The following COG4 variants were observed in gnomAD, a reference collection of about 807,000 sequenced individuals.
COG4 encodes the protein component of oligomeric golgi complex 4.
In COG4, 65 loss-of-function variants were observed where a neutral mutation model predicts 95.1. That is an observed-to-expected ratio of 0.68 (90% CI 0.56 to 0.84). The LOEUF (loss-of-function observed/expected upper bound fraction) is 0.84, where lower values mean the gene tolerates loss of function less well. COG4 is among the 40% of genes least tolerant of loss of function. COG4 has a pLI of 0.00. For missense variants in COG4, 1,045 were observed against 989.1 expected (o/e 1.06, Z -0.76); for synonymous variants, 421 against 374.8 (o/e 1.12, Z -1.42).
At chr16:70,520,892 A>C (rs1418738200) in intron 1 of COG4, among the ~76,000 whole-genome samples, 9 of 152,228 alleles carry the variant, frequency 5.9e-5, no homozygotes, top group Admixed American at 5.9e-4. Flanking sequence ...TGAGTCAAAC[A>C]GGAAACCACA....
intron 5 of COG4, 31 bp from the exon 6 acceptor site, chr16:70,510,052 T>A: frequency 6.4e-7 from 1 of 1,563,044 alleles, no homozygotes; most frequent in Non-Finnish European, 8.8e-7. Flanking sequence ...CACACATTCC[T>A]CAGAAAGGTC....
intron 13 of COG4, among the ~76,000 whole-genome samples, chr16:70,485,587 GTTTT>G (rs764600650): frequency 8.1e-6 from 1 of 124,144 alleles, no homozygotes; most frequent in Non-Finnish European, 1.7e-5. Flanking sequence ...TGTTTTTTTT[GTTTT>G]TTTTTTTTTT....
At chr16:70,508,124 T>A (rs908328195) in intron 8 of COG4, among the ~76,000 whole-genome samples, 7 of 151,964 alleles carry the variant, frequency 4.6e-5, no homozygotes, top group Non-Finnish European at 7.4e-5. Context: ...TTTCACCATA[T>A]TGGCCAGGCT....
chr16:70,482,254 AG>A, intron 15 of COG4, 79 bp from the exon 16 acceptor site: 1 of 916,452 alleles, frequency 1.1e-6, no homozygotes. Context: ...TATCCCTCTA[AG>A]AAAATAATGT....
At chr16:70,509,894 T>C (rs769789918) in intron 6 of COG4, 22 bp downstream of exon 6, 3 of 1,568,526 alleles carry the variant, frequency 1.9e-6, no homozygotes, top group African/African-American at 2.7e-5. Context: ...CCAGTCTCTC[T>C]AGAGCGGAGA....
intron 4 of COG4, among the ~76,000 whole-genome samples, chr16:70,512,736 T>C (rs982597695): frequency 9.9e-5 from 15 of 152,100 alleles, no homozygotes; most frequent in Non-Finnish European, 1.5e-4. Context: ...TCCCAGCACT[T>C]TGGAAGGCCG....
chr16:70,507,949 C>T (rs1597680479), intron 8 of COG4, among the ~76,000 whole-genome samples: 1 of 151,842 alleles, frequency 6.6e-6, no homozygotes, highest in East Asian at 1.9e-4. Flanking sequence ...GAGACAGAGT[C>T]TCGCTCTGTA....
At chr16:70,498,983 G>A (rs778782891) in intron 9 of COG4, among the ~76,000 whole-genome samples, 24 of 152,306 alleles carry the variant, frequency 1.6e-4, no homozygotes, top group Non-Finnish European at 3.5e-4. Context: ...GGGAGGCCAA[G>A]GCGCGAGGAT....
intron 9 of COG4, among the ~76,000 whole-genome samples, chr16:70,499,902 C>T (rs1257275377): frequency 3.9e-5 from 6 of 152,162 alleles, no homozygotes; most frequent in Admixed American, 2.6e-4. Flanking sequence ...CCTTGTGATC[C>T]GCCTGCCTCG....
chr16:70,488,137 T>A (rs1344950870), intron 13 of COG4, among the ~76,000 whole-genome samples: 1 of 148,958 alleles, frequency 6.7e-6, no homozygotes, highest in Admixed American at 6.7e-5. Context: ...TATTTTTACC[T>A]TTTTTTTTTC....
Position 70,480,607 on chromosome 16 carries a change from TCAC to T in COG4, c.*400_*402del. On this transcript the variant is annotated 3_prime_UTR_variant, in exon 19 of 19. Transcript: ENST00000323786. ...TAGCTTTATTCAGGGATCATAAACATCACAGCCTCTCCTCAAAGTCAAGCCTAA... is the reference window on the plus strand; with the variant it reads ...TAGCTTTATTCAGGGATCATAAACATAGCCTCTCCTCAAAGTCAAGCCTAA... 3.7e-6 allele frequency: 1 copy of T among 270,442 alleles called. No homozygotes were observed. Among genetic ancestry groups the T allele is most frequent in the Non-Finnish European group, 7.2e-6 (1 of 138,034 alleles). The allele number at this position is 270,442 out of a possible 1,614,324, so 16.8% of individuals were successfully genotyped here.
Position 70,480,810 on chromosome 16 carries a change from C to T in COG4, c.*200G>A, listed in dbSNP as rs1432107039. On this transcript the variant is annotated 3_prime_UTR_variant, in exon 19 of 19. Coordinates refer to ENST00000323786, the MANE Select transcript of COG4 (RefSeq NM_015386.3). ...GCCCGCTTCTCTCGGTGGGGAGATG[C>T]TGCCCCCAGAGCATCACCTGGCCAG... is the stretch of plus-strand genomic sequence containing the variant. 1.9e-4 allele frequency: 118 copies of T among 612,226 alleles called. No homozygotes were observed. The South Asian group carries it at 2.3e-3, about 12-fold the overall frequency. 37.9% of individuals were successfully genotyped at this position (612,226 alleles called of 1,614,324 possible).
chr16:70,503,863 G>T (rs1156788190), intron 8 of COG4, among the ~76,000 whole-genome samples: 1 of 122,748 alleles, frequency 8.1e-6, no homozygotes, highest in Non-Finnish European at 1.5e-5. Context: ...CAAAGTGCTG[G>T]GATTACAGGC....
rs541274302 is a variant in COG4 at position 70,496,299 on chromosome 16, G to C, written c.1614C>G (p.Ile538Met). The change falls in exon 12 of 19, where the codon ATC becomes ATG. Residue 538 changes from isoleucine (I) to methionine (M), a missense_variant. Ile to Met is a conservative substitution (Grantham distance 10). Transcript: ENST00000323786. The part of the protein sequence containing the change: ...LQQGKFDTKG[I>M]ESTDEAKMSF... The stretch of plus-strand genomic sequence containing the variant: ...ACATCTTCGCCTCGTCAGTACTCTC[G>C]ATGCCTTTTGTGTCAAATTTGCCTT... The C allele has an allele frequency of 1.2e-6, 2 of 1,614,054 alleles. No individual in the cohort carries two copies. The highest frequency in any genetic ancestry group is 1.7e-6 in the Non-Finnish European group (2 of 1,180,034).
chr16:70,504,363 T>G (rs1488574165), intron 8 of COG4, among the ~76,000 whole-genome samples: 2 of 151,986 alleles, frequency 1.3e-5, no homozygotes, highest in African/African-American at 4.8e-5. Flanking sequence ...TCCCACTACT[T>G]TGGGAGGCTG....
At chr16:70,496,509 C>T in intron 11 of COG4, 78 bp from the exon 12 acceptor site, 1 of 1,437,602 alleles carries the variant, frequency 7.0e-7, no homozygotes, top group Non-Finnish European at 9.8e-7. Flanking sequence ...CTTCACCACT[C>T]TGACCCAGCA....
At chr16:70,515,457 G>A (rs2049801826) in intron 3 of COG4, among the ~76,000 whole-genome samples, 1 of 152,080 alleles carries the variant, frequency 6.6e-6, no homozygotes, top group Non-Finnish European at 1.5e-5. Context: ...AAGCCGAGGT[G>A]GGTGGATCAC....
At chr16:70,492,592 C>T (rs1330223400) in intron 12 of COG4, among the ~76,000 whole-genome samples, 1 of 150,404 alleles carries the variant, frequency 6.6e-6, no homozygotes, top group African/African-American at 2.5e-5. Flanking sequence ...ACCCAGCGGG[C>T]AGAGGTTGCA....
intron 8 of COG4, among the ~76,000 whole-genome samples, chr16:70,506,309 A>G (rs1422497582): frequency 6.6e-6 from 1 of 151,770 alleles, no homozygotes; most frequent in Non-Finnish European, 1.5e-5. Context: ...AGGCTGAGGC[A>G]GGAGAATGGC....
Sources: gnomAD v4.1 joint callset for allele counts (sites outside exome capture counted in the v4.1 genomes callset) on GRCh38, gnomAD v4.1.1 for gene constraint, MANE v1.5 for transcripts, NCBI Gene and HGNC (gene_info 2026-07-23, HGNC 2026-07-21) for gene names.